UNC13C: variants seen among roughly 807,000 people sequenced by gnomAD.
UNC13C encodes protein unc-13 homolog C.
In UNC13C, 174 loss-of-function variants were observed where a neutral mutation model predicts 245.4. That is an observed-to-expected ratio of 0.71 (90% CI 0.63 to 0.80). UNC13C has a LOEUF of 0.80. Ranked by LOEUF, UNC13C falls within the 30% of genes least tolerant of loss-of-function variation. The pLI, the probability that UNC13C is intolerant of heterozygous loss-of-function variation, is 0.00. For missense variants in UNC13C, 2,829 were observed against 2,602.9 expected, an observed-to-expected ratio of 1.09 and a Z score of -1.89; for synonymous variants, 992 against 895.1, an observed-to-expected ratio of 1.11 and a Z score of -1.93.
chr15:54,331,784 TA>T (rs2038443512), intron 14 of UNC13C, among the ~76,000 whole-genome samples: 4 of 152,100 alleles, frequency 2.6e-5, no homozygotes, highest in Non-Finnish European at 5.9e-5. Flanking sequence ...AGTCTCTAGA[TA>T]CTTTGTTAGA....
intron 28 of UNC13C, among the ~76,000 whole-genome samples, chr15:54,551,088 C>A (rs1165990160): frequency 6.6e-6 from 1 of 152,036 alleles, no homozygotes; most frequent in Non-Finnish European, 1.5e-5. Flanking sequence ...TTTTATAGTC[C>A]AGGGGTAACT....
intron 11 of UNC13C, among the ~76,000 whole-genome samples, chr15:54,295,681 A>AG (rs1369680682): frequency 3.7e-5 from 2 of 53,622 alleles, no homozygotes; most frequent in African/African-American, 8.2e-4. Context: ...GAAGAAGAAC[A>AG]AAAAGAAAAA....
intron 19 of UNC13C, among the ~76,000 whole-genome samples, chr15:54,415,923 C>T (rs2040509992): frequency 6.6e-6 from 1 of 152,124 alleles, no homozygotes; most frequent in South Asian, 2.1e-4. Context: ...GGAACTTCCT[C>T]TAAGAAAATG....
In UNC13C at chr15:54,563,222, T is replaced by G. The variant is rs74657308; in HGVS notation, c.5959-4578T>G. 8.4e-3 allele frequency among the ~76,000 whole-genome samples: 1,282 copies of G among 152,166 alleles called. 12 individuals carry two copies. Among genetic ancestry groups the G allele is most frequent in the African/African-American group, 0.03 (1,240 of 41,552 alleles). ...ATTTTGTCATCCAATGTAACAACTT[T>G]AAGCTTCAGCTCAATTGCATATCTG... is the stretch of plus-strand genomic sequence containing the variant. On this transcript the variant is annotated intron_variant, in intron 29 of 32. Coordinates refer to ENST00000260323, the MANE Select transcript of UNC13C (RefSeq NM_001080534.3).
intron 19 of UNC13C, among the ~76,000 whole-genome samples, chr15:54,483,860 A>T (rs371481284): frequency 1.3e-5 from 2 of 152,270 alleles, no homozygotes; most frequent in East Asian, 3.9e-4. Context: ...TGCCACTGGC[A>T]TTTCTTTGTC....
chr15:54,587,580 C>T lies in UNC13C; in HGVS notation c.6106+19633C>T, dbSNP rs1898561096. ...GGGACCAGCCTTCAGGACCTCAGTA[C>T]TCCACTCTTCTAATGTATGGTCATT... On this transcript the variant is annotated intron_variant, in intron 30 of 32. Coordinates refer to ENST00000260323, the MANE Select transcript of UNC13C (RefSeq NM_001080534.3). Among the ~76,000 whole-genome samples the T allele has an allele frequency of 1.3e-5, 2 of 152,166 alleles. 1 individual carries two copies. The highest frequency in any genetic ancestry group is 1.3e-4 in the Admixed American group (2 of 15,280).
intron 8 of UNC13C, among the ~76,000 whole-genome samples, chr15:54,255,244 G>C (rs1353941833): frequency 6.6e-6 from 1 of 152,132 alleles, no homozygotes; most frequent in Non-Finnish European, 1.5e-5. Context: ...TGTATCCCAG[G>C]GTTCTTGCTT....
At chr15:54,118,874 T>A (rs1429876996) in intron 2 of UNC13C, among the ~76,000 whole-genome samples, 1 of 152,060 alleles carries the variant, frequency 6.6e-6, no homozygotes, top group East Asian at 1.9e-4. Flanking sequence ...TCAAATGCTT[T>A]TTCAGCATCT....
At position 54,623,881 on chromosome 15, in the gene UNC13C, G is replaced by C; in HGVS notation, c.6286G>C (p.Asp2096His). ...EVCILGPNLG[D>H]KKRKQGTKTK... Reference sequence around the variant, plus strand: ...TTGTATACTGGGACCCAACCTTGGAGACAAGAAGAGAAAACAAGGCACAAA... The same window carrying C: ...TTGTATACTGGGACCCAACCTTGGACACAAGAAGAGAAAACAAGGCACAAA... The change falls in exon 32 of 33, where the codon GAC (aspartate) becomes CAC (histidine). Residue 2096 changes from aspartate to histidine, a missense_variant. Asp to His is a moderately conservative substitution (Grantham distance 81). Transcript: ENST00000260323. The C allele has an allele frequency of 1.9e-6, 3 of 1,613,258 alleles. No individual in the cohort carries two copies. Among genetic ancestry groups the C allele is most frequent in the Non-Finnish European group, 2.5e-6 (3 of 1,179,506 alleles).
At chr15:54,172,703 G>GATTATAT (rs1311483864) in intron 4 of UNC13C, among the ~76,000 whole-genome samples, 1 of 78,468 alleles carries the variant, frequency 1.3e-5, no homozygotes, top group African/African-American at 4.9e-5. Flanking sequence ...TACACACACA[G>GATTATAT]ATATATATAT....
chr15:53,901,654 T>G, the UNC13C span, among the ~76,000 whole-genome samples: 3 of 152,228 alleles, frequency 2.0e-5, no homozygotes, highest in East Asian at 1.9e-4. Flanking sequence ...GTATATAAAC[T>G]CTGTCTTTAT....
the UNC13C span, among the ~76,000 whole-genome samples, chr15:53,952,529 A>G: frequency 6.6e-6 from 1 of 152,156 alleles, no homozygotes; most frequent in African/African-American, 2.4e-5. Context: ...ATAGTTCTCA[A>G]ATTTTGATGG....
At chr15:54,336,224 T>G (rs543637160) in intron 16 of UNC13C, among the ~76,000 whole-genome samples, 2 of 152,050 alleles carry the variant, frequency 1.3e-5, no homozygotes, top group Non-Finnish European at 2.9e-5. Context: ...AAAATGTGTA[T>G]ACATTGCAGA....
At chr15:54,319,158 A>G (rs181233365) in intron 13 of UNC13C, among the ~76,000 whole-genome samples, 14 of 151,940 alleles carry the variant, frequency 9.2e-5, no homozygotes, top group Admixed American at 7.2e-4. Context: ...TATTTTCAAA[A>G]TTGACTATGG....
chr15:54,047,974 A>T (rs953586118), intron 2 of UNC13C, among the ~76,000 whole-genome samples: 6 of 152,164 alleles, frequency 3.9e-5, no homozygotes, highest in Non-Finnish European at 8.8e-5. Context: ...TTTGCTAATT[A>T]TTGGTTTAGA....
At chr15:54,367,516 A>G (rs1334533444) in intron 17 of UNC13C, among the ~76,000 whole-genome samples, 1 of 152,182 alleles carries the variant, frequency 6.6e-6, no homozygotes. Flanking sequence ...AGTTTAATTC[A>G]TCTGTGAGAA....
intron 2 of UNC13C, among the ~76,000 whole-genome samples, chr15:54,134,601 G>C (rs1023991172): frequency 3.3e-5 from 5 of 152,056 alleles, no homozygotes; most frequent in African/African-American, 1.2e-4. Flanking sequence ...CTCACTGCAA[G>C]CTCCGCCCCC....
At chr15:54,522,211 C>G (rs553992402) in intron 24 of UNC13C, among the ~76,000 whole-genome samples, 10 of 152,068 alleles carry the variant, frequency 6.6e-5, no homozygotes, top group African/African-American at 2.4e-4. Context: ...TGGCTCACGC[C>G]TGTAATCCCA....
chr15:54,204,675 G>A (rs965481005), intron 4 of UNC13C, among the ~76,000 whole-genome samples: 5 of 151,956 alleles, frequency 3.3e-5, no homozygotes, highest in Non-Finnish European at 7.4e-5. Context: ...AAAGAACAAG[G>A]TAGAAGTACT....
Sources: allele counts gnomAD v4.1 joint callset (sites outside exome capture counted in the v4.1 genomes callset), GRCh38; gene constraint gnomAD v4.1.1; transcripts MANE v1.5; gene names NCBI Gene and HGNC (gene_info 2026-07-23, HGNC 2026-07-21).